Variants in ACER2 observed in about 807,000 individuals in gnomAD.
ACER2 encodes the protein alkCDase 2.
A neutral mutation model predicts 34.7 loss-of-function variants in ACER2; 26 were observed. The ratio of observed to expected loss-of-function variants is 0.75; its 90% CI spans 0.55 to 1.04. ACER2 has a LOEUF of 1.04. ACER2 is among the 50% of genes least tolerant of loss of function. The pLI, the probability that ACER2 is intolerant of heterozygous loss-of-function variation, is 0.00. For missense variants in ACER2, 352 were observed against 340.8 expected, an observed-to-expected ratio of 1.03 and a Z score of -0.26; for synonymous variants, 138 against 132.1, an observed-to-expected ratio of 1.04 and a Z score of -0.31.
intron 4 of ACER2, among the ~76,000 whole-genome samples, chr9:19,439,344 C>CTTTTTTTTTTTTTTTTTT (rs55690063): frequency 6.5e-5 from 9 of 138,750 alleles, no homozygotes; most frequent in African/African-American, 2.1e-4. Flanking sequence ...AAGGGGCTTG[C>CTTTTTTTTTTTTTTTTTT]TTTTTTTTTT....
At chr9:19,435,292 T>G (rs1451528855) in intron 4 of ACER2, among the ~76,000 whole-genome samples, 6 of 152,202 alleles carry the variant, frequency 3.9e-5, no homozygotes. Flanking sequence ...GTTGAGCAGA[T>G]GCAGTGCATC....
In ACER2 at chr9:19,439,006, G is replaced by T. The variant is rs1831058908; in HGVS notation, c.503+3922G>T. On this transcript the variant is annotated intron_variant, in intron 4 of 5. Transcript: ENST00000340967. ...AGAAGAGCAAATGGAGGACACAAGT[G>T]GTTAGGGCAGATTATTATGCAGTTT... 2.0e-5 allele frequency among the ~76,000 whole-genome samples: 3 copies of T among 152,248 alleles called. No individual in the cohort carries two copies. In the South Asian group the frequency reaches 6.2e-4, roughly 32 times the overall value.
chr9:19,444,121 A>G (rs1284554914), intron 4 of ACER2, among the ~76,000 whole-genome samples: 1 of 146,912 alleles, frequency 6.8e-6, no homozygotes, highest in African/African-American at 2.5e-5. Flanking sequence ...GTCTTAGGCC[A>G]CACAAAAAAT....
At chr9:19,442,215 T>C (rs1202636873) in intron 4 of ACER2, among the ~76,000 whole-genome samples, 1 of 152,208 alleles carries the variant, frequency 6.6e-6, no homozygotes, top group East Asian at 1.9e-4. Context: ...AGGAGTGATT[T>C]TATTGTTAAG....
At chr9:19,446,628 A>G (rs1831374051) in intron 5 of ACER2, 1 of 985,320 alleles carries the variant, frequency 1.0e-6, no homozygotes, top group Admixed American at 6.1e-5. Flanking sequence ...AGCCGGAACG[A>G]AAGGCCTGAT....
At chr9:19,446,691 A>G in intron 5 of ACER2, 5 of 947,342 alleles carry the variant, frequency 5.3e-6, no homozygotes, top group Non-Finnish European at 6.3e-6. Context: ...TTAAAGCCTA[A>G]AGGAGCTTGA....
At chr9:19,446,601 C>T in intron 5 of ACER2, 183 bp downstream of exon 5, 1 of 985,426 alleles carries the variant, frequency 1.0e-6, no homozygotes, top group Non-Finnish European at 1.2e-6. Context: ...GCTGAATTGA[C>T]TCCAGGGAGC....
intron 4 of ACER2, among the ~76,000 whole-genome samples, chr9:19,436,711 TTTTAA>T (rs1211556211): frequency 6.6e-6 from 1 of 152,252 alleles, no homozygotes; most frequent in Non-Finnish European, 1.5e-5. Flanking sequence ...TGTAATTTAC[TTTTAA>T]TTTATTTTAA....
intron 3 of ACER2, among the ~76,000 whole-genome samples, chr9:19,431,097 T>TAA (rs1275336033): frequency 6.6e-6 from 1 of 152,188 alleles, no homozygotes; most frequent in Non-Finnish European, 1.5e-5. Flanking sequence ...GCAGCTCAGT[T>TAA]ACGTTTTCCC....
intron 1 of ACER2, chr9:19,409,796 T>C (rs145099765): frequency 2.0e-6 from 2 of 985,368 alleles, no homozygotes; most frequent in Middle Eastern, 5.2e-4. Context: ...TGCAAGCCGC[T>C]AATTCAACTC....
Position 19,428,089 on chromosome 9 carries a change from C to G in ACER2, c.365+3248C>G, listed in dbSNP as rs537717689. On this transcript the variant is annotated intron_variant, in intron 3 of 5. Coordinates refer to ENST00000340967, the MANE Select transcript of ACER2 (RefSeq NM_001010887.3). ...TTTCCTTTCCTTTCCTTCTCTCTCT[C>G]TCTCTCTTTCTTTCTCTTTCTTTTC... Among the ~76,000 whole-genome samples, 8 of 127,780 alleles carry G rather than the reference C, an allele frequency of 6.3e-5. No individual in the cohort carries two copies. The South Asian group carries it at 2.0e-3, about 33-fold the overall frequency. 83.8% of individuals were successfully genotyped at this position (127,780 alleles called of 152,430 possible). A position where few individuals can be genotyped will look rare whatever the true frequency, so the allele number is the denominator to read the frequency against.
chr9:19,427,745 C>T (rs1339829317), intron 3 of ACER2, among the ~76,000 whole-genome samples: 1 of 151,696 alleles, frequency 6.6e-6, no homozygotes, highest in African/African-American at 2.4e-5. Flanking sequence ...GGTCTCACTG[C>T]AAGCTCCACT....
chr9:19,446,339 G>A lies in ACER2; in HGVS notation c.562G>A (p.Ala188Thr), dbSNP rs931557917. The stretch of plus-strand genomic sequence containing the variant: ...CTTCTCGGGCCTCTGGTGGACCCTG[G>A]CCCTGTTCTGCTGGATCAGTGACCG... ...GLFSGLWWTLALFCWISDRAF... is the reference protein window; with the variant it reads ...GLFSGLWWTLTLFCWISDRAF... Residue 188 changes from alanine to threonine, a missense_variant, in exon 5 of 6, where the codon GCC (alanine) becomes ACC (threonine). Coordinates refer to ENST00000340967, the MANE Select transcript of ACER2 (RefSeq NM_001010887.3). 3.1e-6 allele frequency: 5 copies of A among 1,614,164 alleles called. No homozygotes were observed. Among genetic ancestry groups the A allele is most frequent in the Non-Finnish European group, 4.2e-6 (5 of 1,180,046 alleles).
At chr9:19,417,017 T>A (rs7850717) in intron 1 of ACER2, among the ~76,000 whole-genome samples, 151,919 of 152,304 alleles carry the variant, frequency 1, 75,768 homozygotes, top group Middle Eastern at 1. Flanking sequence ...CTGATAAGCA[T>A]CTCCAGCAAA....
chr9:19,433,083 A>G (rs1830809800), intron 3 of ACER2, among the ~76,000 whole-genome samples: 1 of 151,660 alleles, frequency 6.6e-6, no homozygotes, highest in African/African-American at 2.4e-5. Flanking sequence ...AATTTTGAAA[A>G]TATCTGATTA....
chr9:19,440,145 C>G (rs1563888703), intron 4 of ACER2, among the ~76,000 whole-genome samples: 1 of 152,172 alleles, frequency 6.6e-6, no homozygotes, highest in Non-Finnish European at 1.5e-5. Context: ...CTCGGCTGCT[C>G]GCCCAATTAG....
At position 19,409,198 on chromosome 9, in the gene ACER2, G is replaced by A; in HGVS notation, c.108+6G>A. ...TCGCCGAGTTCTACAACACGGTGCG[G>A]GGCGCGGGAGCGGGGAAGGCAGGCG... On this transcript the variant is annotated splice_donor_region_variant and intron_variant, in intron 1 of 5. Transcript: ENST00000340967. 1.3e-6 allele frequency: 2 copies of A among 1,576,244 alleles called. No homozygotes were observed. The highest frequency in any genetic ancestry group is 1.7e-6 in the Non-Finnish European group (2 of 1,161,186).
chr9:19,447,534 T>C (rs190081249), intron 5 of ACER2, among the ~76,000 whole-genome samples: 10 of 152,350 alleles, frequency 6.6e-5, no homozygotes, highest in Admixed American at 6.5e-4. Context: ...CTAGTGAATT[T>C]ATATAGTTTA....
intron 1 of ACER2, among the ~76,000 whole-genome samples, chr9:19,411,562 C>A (rs942516345): frequency 5.3e-5 from 8 of 150,032 alleles, no homozygotes; most frequent in African/African-American, 2.0e-4. Flanking sequence ...TTACGTACTA[C>A]TTATATTTTG....
Sources: gnomAD v4.1 joint callset for allele counts (sites outside exome capture counted in the v4.1 genomes callset) on GRCh38, gnomAD v4.1.1 for gene constraint, MANE v1.5 for transcripts, NCBI Gene and HGNC (gene_info 2026-07-23, HGNC 2026-07-21) for gene names.